The following RIC1 variants were observed in gnomAD, a reference collection of about 807,000 sequenced individuals.
RIC1 encodes RIC1 partner of RAB6A GEF complex, also known as guanine nucleotide exchange factor subunit RIC1.
RIC1 carries 88 observed loss-of-function variants against 169.0 expected under a neutral mutation model. That is an observed-to-expected ratio of 0.52 (90% confidence interval 0.44 to 0.62). The LOEUF (loss-of-function observed/expected upper bound fraction) is 0.62. RIC1 is among the 20% of genes least tolerant of loss of function. The probability of loss-of-function intolerance (pLI) is 0.00; values close to 1 mark genes in which losing one functional copy is unlikely to be tolerated. For synonymous variants in RIC1, 790 were observed against 601.5 expected, an observed-to-expected ratio of 1.31 and a Z score of -4.59; for missense variants, 1,877 against 1,725.5, an observed-to-expected ratio of 1.09 and a Z score of -1.56.
intron 3 of RIC1, among the ~76,000 whole-genome samples, chr9:5,708,020 G>T (rs1312188249): frequency 6.6e-6 from 1 of 151,492 alleles, no homozygotes; most frequent in Non-Finnish European, 1.5e-5. Flanking sequence ...TGATTTTTTT[G>T]CATTGTACCA....
rs542004113 is a variant in RIC1, at chr9:5,774,411, C to G, written c.*165C>G. On this transcript the variant is annotated 3_prime_UTR_variant, in exon 26 of 26. Transcript: ENST00000414202. Reference sequence around the variant, plus strand: ...TTTCTTGTCTAAGAAATCTTTTTGACTCCATAAAAATGTGATATAAAGCAT... The same window carrying G: ...TTTCTTGTCTAAGAAATCTTTTTGAGTCCATAAAAATGTGATATAAAGCAT... The G allele has an allele frequency of 1.8e-6, 1 of 565,376 alleles. No individual in the cohort carries two copies. Among genetic ancestry groups the G allele is most frequent in the South Asian group, 5.5e-5 (1 of 18,038 alleles). 35.0% of individuals were successfully genotyped at this position (565,376 alleles called of 1,614,324 possible).
chr9:5,743,073 A>G, intron 9 of RIC1, 60 bp downstream of exon 9: 1 of 1,506,320 alleles, frequency 6.6e-7, no homozygotes, highest in Non-Finnish European at 9.0e-7. Flanking sequence ...CAATGCATGC[A>G]TACAAAAACC....
intron 1 of RIC1, among the ~76,000 whole-genome samples, chr9:5,647,072 CTTT>C (rs1462216201): frequency 6.6e-6 from 1 of 152,100 alleles, no homozygotes; most frequent in Non-Finnish European, 1.5e-5. Context: ...ACTTTCTTTC[CTTT>C]TCCCCTTTGA....
chr9:5,706,769 A>G lies in RIC1; in HGVS notation c.333-7127A>G, dbSNP rs149169251. On this transcript the variant is annotated intron_variant, in intron 3 of 25. Transcript: ENST00000414202. ...ACAATATTCTCTTATAACCCATACT[A>G]TTTTTTTGTATGATCAGTAATAATA... Among the ~76,000 whole-genome samples the G allele has an allele frequency of 2.6e-3, 393 of 152,176 alleles. 3 individuals are homozygous for G. The highest frequency in any genetic ancestry group is 0.011 in the South Asian group (51 of 4,820).
chr9:5,769,334 A>G (rs1386382979), intron 22 of RIC1, 78 bp downstream of exon 22: 1 of 1,613,514 alleles, frequency 6.2e-7, no homozygotes, highest in Admixed American at 1.7e-5. Context: ...CTATTAGTTG[A>G]TATTCAAGGA....
At chr9:5,673,081 G>C (rs1037459467) in intron 2 of RIC1, among the ~76,000 whole-genome samples, 1 of 152,086 alleles carries the variant, frequency 6.6e-6, no homozygotes, top group Non-Finnish European at 1.5e-5. Context: ...TAATTCCTAG[G>C]TTAGTGAGAG....
intron 3 of RIC1, among the ~76,000 whole-genome samples, chr9:5,702,634 G>T (rs1016045820): frequency 1.3e-5 from 2 of 152,136 alleles, no homozygotes; most frequent in African/African-American, 4.8e-5. Flanking sequence ...CGCCTCCCGG[G>T]TTGAAGCAAT....
At chr9:5,681,449 G>A (rs1000321524) in intron 2 of RIC1, among the ~76,000 whole-genome samples, 12 of 152,054 alleles carry the variant, frequency 7.9e-5, no homozygotes, top group Admixed American at 7.2e-4. Context: ...GTAGTTGAGT[G>A]GTTTTGAGTG....
At chr9:5,733,811 C>T (rs1824524282) in intron 7 of RIC1, among the ~76,000 whole-genome samples, 1 of 151,612 alleles carries the variant, frequency 6.6e-6, no homozygotes, top group Non-Finnish European at 1.5e-5. Context: ...TTCATGAATA[C>T]ATTTCACCTA....
intron 8 of RIC1, 59 bp from the exon 9 acceptor site, chr9:5,742,810 A>C (rs1825157598): frequency 1.2e-5 from 18 of 1,469,758 alleles, no homozygotes; most frequent in East Asian, 2.3e-5. Flanking sequence ...AAAAAAAAAA[A>C]AAACAAGTAT....
chr9:5,686,741 A>G (rs534866618), intron 2 of RIC1, among the ~76,000 whole-genome samples: 9 of 152,204 alleles, frequency 5.9e-5, no homozygotes, highest in South Asian at 2.1e-4. Context: ...ACTAACCTGC[A>G]CAATGTGCAC....
At chr9:5,693,414 A>G (rs1207962016) in intron 3 of RIC1, among the ~76,000 whole-genome samples, 1 of 152,100 alleles carries the variant, frequency 6.6e-6, no homozygotes, top group Non-Finnish European at 1.5e-5. Flanking sequence ...GCATCCTTCT[A>G]TAGATGTTGG....
intron 1 of RIC1, among the ~76,000 whole-genome samples, chr9:5,636,209 T>A (rs1563858542): frequency 6.6e-6 from 1 of 152,250 alleles, no homozygotes; most frequent in Non-Finnish European, 1.5e-5. Context: ...AGCCATTTAT[T>A]TGTACCTTCT....
At chr9:5,658,499 A>T (rs953106504) in intron 2 of RIC1, among the ~76,000 whole-genome samples, 1 of 152,106 alleles carries the variant, frequency 6.6e-6, no homozygotes, top group Admixed American at 6.5e-5. Context: ...GGTCCATGTG[A>T]AGTATGAATT....
At chr9:5,642,376 C>T (rs1339830723) in intron 1 of RIC1, among the ~76,000 whole-genome samples, 1 of 144,588 alleles carries the variant, frequency 6.9e-6, no homozygotes, top group Non-Finnish European at 1.5e-5. Flanking sequence ...CATCCAAGGC[C>T]TGCTGTCACC....
chr9:5,639,841 T>C (rs144219049), intron 1 of RIC1, among the ~76,000 whole-genome samples: 1 of 152,358 alleles, frequency 6.6e-6, no homozygotes, highest in African/African-American at 2.4e-5. Context: ...ACATTCTTTG[T>C]CTCACAATTT....
intron 1 of RIC1, among the ~76,000 whole-genome samples, chr9:5,656,034 T>C (rs1819077777): frequency 6.6e-6 from 1 of 152,144 alleles, no homozygotes. Context: ...CACGCCCAGC[T>C]AATTTTTTTG....
intron 2 of RIC1, among the ~76,000 whole-genome samples, chr9:5,668,241 A>AT (rs71308877): frequency 0.33 from 50,346 of 151,962 alleles, 8,864 homozygotes; most frequent in East Asian, 0.59. Flanking sequence ...CCCATGACAC[A>AT]GGGGATTATG....
chr9:5,635,059 C>T (rs375537993), intron 1 of RIC1, among the ~76,000 whole-genome samples: 2 of 152,268 alleles, frequency 1.3e-5, no homozygotes, highest in Middle Eastern at 3.4e-3. Flanking sequence ...ATGATCATGG[C>T]TTACTGCAGC....
Sources: allele counts gnomAD v4.1 joint callset (sites outside exome capture counted in the v4.1 genomes callset), GRCh38; gene constraint gnomAD v4.1.1; transcripts MANE v1.5; gene names NCBI Gene and HGNC (gene_info 2026-07-23, HGNC 2026-07-21).